Variants in NMRK1 observed in about 807,000 individuals in gnomAD.
NMRK1 encodes the protein NRK 1.
In NMRK1, 28 loss-of-function variants were observed where a neutral mutation model predicts 29.9. That is an observed-to-expected ratio of 0.94 (90% confidence interval 0.69 to 1.28). The LOEUF is 1.28. NMRK1 is among the 50% of genes most tolerant of loss of function. The pLI is 0.00. For missense variants in NMRK1, 218 were observed against 233.1 expected (o/e 0.94, Z 0.42); for synonymous variants, 58 against 73.0 (o/e 0.79, Z 1.05).
At chr9:75,076,777 G>T (rs1042199543) in intron 4 of NMRK1, among the ~76,000 whole-genome samples, 1 of 152,034 alleles carries the variant, frequency 6.6e-6, no homozygotes, top group Non-Finnish European at 1.5e-5. Context: ...TTTTTGGGTA[G>T]AGATGGAATC....
chr9:75,086,991 C>T (rs570668900), intron 1 of NMRK1, among the ~76,000 whole-genome samples: 9 of 151,672 alleles, frequency 5.9e-5, no homozygotes, highest in Admixed American at 4.6e-4. Flanking sequence ...CTGCAACCTC[C>T]GCCTTCTGGG....
intron 1 of NMRK1, among the ~76,000 whole-genome samples, chr9:75,084,887 C>T (rs12686709): frequency 0.09 from 13,761 of 152,254 alleles, 726 homozygotes; most frequent in South Asian, 0.17. Flanking sequence ...CAAGATGTAT[C>T]GAGGGAATGA....
At chr9:75,085,725 A>ATTT (rs1824578802) in intron 1 of NMRK1, among the ~76,000 whole-genome samples, 1 of 98,716 alleles carries the variant, frequency 1.0e-5, no homozygotes, top group African/African-American at 3.3e-5. Flanking sequence ...GTCAAATGTA[A>ATTT]GTTTTTTTTT....
At chr9:75,065,432 G>T (rs1823281247) in intron 8 of NMRK1, among the ~76,000 whole-genome samples, 1 of 152,118 alleles carries the variant, frequency 6.6e-6, no homozygotes, top group Admixed American at 6.6e-5. Flanking sequence ...GCCTCCCAAA[G>T]TGCTGGGATT....
At position 75,060,621 on chromosome 9, in the gene NMRK1, A is replaced by C. The variant is rs1822967137; in HGVS notation, c.*927T>G. 1 of 152,188 alleles carries C rather than the reference A, an allele frequency of 6.6e-6. No individual in the cohort carries two copies. The highest frequency in any genetic ancestry group is 6.5e-5 in the Admixed American group (1 of 15,272). 9.4% of individuals were successfully genotyped at this position (152,188 alleles called of 1,614,324 possible). On this transcript the variant is annotated 3_prime_UTR_variant, in exon 9 of 9. Transcript: ENST00000361092. The stretch of plus-strand genomic sequence containing the variant: ...TAATAAGCAAAAGATTGTTCAGTAC[A>C]TAATTTAAATTCCAGCATTGAAAGC...
intron 1 of NMRK1, among the ~76,000 whole-genome samples, chr9:75,086,957 G>T (rs1393879769): frequency 6.6e-6 from 1 of 150,798 alleles, no homozygotes. Context: ...CCAGGCTGGA[G>T]TGCAGTGGCG....
intron 4 of NMRK1, among the ~76,000 whole-genome samples, chr9:75,071,360 A>G (rs577207610): frequency 3.3e-5 from 5 of 152,006 alleles, no homozygotes; most frequent in African/African-American, 7.2e-5. Context: ...CAAATCTTCT[A>G]TTTCTTTACT....
intron 8 of NMRK1, among the ~76,000 whole-genome samples, chr9:75,064,090 G>GCATTTC (rs1426084765): frequency 6.6e-6 from 1 of 152,138 alleles, no homozygotes; most frequent in Admixed American, 6.5e-5. Context: ...ACTTTCTTGT[G>GCATTTC]AGCTAGCAGC....
At chr9:75,072,501 A>G (rs1276116133) in intron 4 of NMRK1, among the ~76,000 whole-genome samples, 1 of 152,244 alleles carries the variant, frequency 6.6e-6, no homozygotes, top group Non-Finnish European at 1.5e-5. Context: ...CAGATAAACT[A>G]CAATGATGTT....
chr9:75,086,993 C>T (rs1345623084), intron 1 of NMRK1, among the ~76,000 whole-genome samples: 1 of 151,796 alleles, frequency 6.6e-6, no homozygotes, highest in Non-Finnish European at 1.5e-5. Flanking sequence ...GCAACCTCCG[C>T]CTTCTGGGTT....
chr9:75,072,379 A>G (rs796166024), intron 4 of NMRK1, among the ~76,000 whole-genome samples: 19 of 152,348 alleles, frequency 1.2e-4, no homozygotes, highest in African/African-American at 4.6e-4. Context: ...TCTTGGCTGG[A>G]ACCAGCAGTC....
At chr9:75,079,317 C>T (rs1048693138) in intron 2 of NMRK1, among the ~76,000 whole-genome samples, 15 of 152,172 alleles carry the variant, frequency 9.9e-5, no homozygotes, top group Non-Finnish European at 2.2e-4. Context: ...GACTTTTCCC[C>T]TTCTTTAACA....
At chr9:75,081,844 C>T (rs1824340709) in intron 2 of NMRK1, among the ~76,000 whole-genome samples, 1 of 152,118 alleles carries the variant, frequency 6.6e-6, no homozygotes. Context: ...CCCCTTCTGC[C>T]CAGTGACAGG....
At chr9:75,078,380 G>T in intron 2 of NMRK1, 1 of 1,566,814 alleles carries the variant, frequency 6.4e-7, no homozygotes, top group Non-Finnish European at 8.7e-7. Flanking sequence ...TCTCCACCTG[G>T]GGGCCAGCTG....
rs866521815 is a variant in NMRK1 at position 75,078,281 on chromosome 9, C to T, written c.30-701G>A. ...TGGTCACTGTGATTTTGCCTCAAGG[C>T]ACAGTGGAAAAAACAGAGGAGTGGC... On this transcript the variant is annotated intron_variant, in intron 2 of 8. Coordinates refer to ENST00000361092, the MANE Select transcript of NMRK1 (RefSeq NM_017881.3). The T allele has an allele frequency of 3.9e-6, 6 of 1,551,330 alleles. No homozygotes were observed. In the African/African-American group the frequency reaches 5.5e-5, roughly 14 times the overall value.
At chr9:75,078,356 C>T in intron 2 of NMRK1, 2 of 1,573,286 alleles carry the variant, frequency 1.3e-6, no homozygotes, top group Non-Finnish European at 1.7e-6. Context: ...GCGATGCCTC[C>T]TTTTCCCCAT....
chr9:75,069,575 C>A (rs1330398004), intron 6 of NMRK1, 167 bp downstream of exon 6: 3 of 619,362 alleles, frequency 4.8e-6, no homozygotes, highest in East Asian at 2.9e-5. Flanking sequence ...TTACTCCATG[C>A]GGATGACCAT....
At chr9:75,063,131 C>T (rs1278954537) in intron 8 of NMRK1, among the ~76,000 whole-genome samples, 8 of 151,382 alleles carry the variant, frequency 5.3e-5, no homozygotes, top group African/African-American at 1.5e-4. Context: ...GGTGAAACCC[C>T]GTCTCTACTA....
chr9:75,085,013 C>CT (rs912449520), intron 1 of NMRK1, among the ~76,000 whole-genome samples: 5 of 152,022 alleles, frequency 3.3e-5, no homozygotes, highest in African/African-American at 7.3e-5. Flanking sequence ...GCCAATTAGC[C>CT]TTTTTTTGGG....
Sources: gnomAD v4.1 joint callset for allele counts (sites outside exome capture counted in the v4.1 genomes callset) on GRCh38, gnomAD v4.1.1 for gene constraint, MANE v1.5 for transcripts, NCBI Gene and HGNC (gene_info 2026-07-23, HGNC 2026-07-21) for gene names.